The following PTPRD variants were observed in gnomAD, a reference collection of about 807,000 sequenced individuals.
The protein encoded by PTPRD is protein tyrosine phosphatase receptor type D, also known as receptor-type tyrosine-protein phosphatase delta.
A neutral mutation model predicts 214.5 loss-of-function variants in PTPRD; 34 were observed. The ratio of observed to expected loss-of-function variants is 0.16; its 90% CI spans 0.12 to 0.21. The LOEUF is 0.21. Ranked by LOEUF, PTPRD falls within the 10% of genes least tolerant of loss-of-function variation. The pLI is 1.00. For synonymous variants in PTPRD, 1,128 were observed against 845.7 expected (o/e 1.33, Z -5.79); for missense variants, 2,545 against 2,398.7 (o/e 1.06, Z -1.27).
At chr9:8,340,239 C>T in intron 42 of PTPRD, 104 bp downstream of exon 42, 2 of 1,346,730 alleles carry the variant, frequency 1.5e-6, no homozygotes, top group South Asian at 4.1e-5. Flanking sequence ...GAGTGCACTG[C>T]ATTTCAAAAA....
intron 3 of PTPRD, among the ~76,000 whole-genome samples, chr9:10,066,464 TATAC>T (rs34672487): frequency 0.036 from 5,430 of 151,992 alleles, 110 homozygotes; most frequent in Middle Eastern, 0.082. Flanking sequence ...TCAAAAAATG[TATAC>T]ATAATCACAC....
chr9:9,664,897 A>G (rs191378822), intron 7 of PTPRD, among the ~76,000 whole-genome samples: 17 of 151,866 alleles, frequency 1.1e-4, no homozygotes, highest in African/African-American at 3.9e-4. Context: ...TGCAAGCACA[A>G]AAGTTCTAAT....
chr9:8,477,464 A>G (rs1241671573), intron 30 of PTPRD, among the ~76,000 whole-genome samples: 1 of 152,194 alleles, frequency 6.6e-6, no homozygotes, highest in East Asian at 1.9e-4. Context: ...TAATTATATG[A>G]GAAGGCAAGC....
intron 3 of PTPRD, among the ~76,000 whole-genome samples, chr9:10,061,738 G>C (rs1212351083): frequency 6.6e-6 from 1 of 152,062 alleles, no homozygotes; most frequent in Non-Finnish European, 1.5e-5. Flanking sequence ...TCTGAAAATA[G>C]TTTAGGGCTG....
chr9:9,408,575 C>T (rs2074334308), intron 8 of PTPRD, among the ~76,000 whole-genome samples: 1 of 151,788 alleles, frequency 6.6e-6, no homozygotes, highest in Non-Finnish European at 1.5e-5. Flanking sequence ...CATCAGCTTC[C>T]ACTTACTTCT....
At chr9:9,885,253 A>T (rs2070404610) in intron 5 of PTPRD, among the ~76,000 whole-genome samples, 2 of 152,098 alleles carry the variant, frequency 1.3e-5, no homozygotes, top group African/African-American at 4.8e-5. Context: ...ATTGAGAAGG[A>T]AGGGCCCAGA....
chr9:8,553,647 T>G (rs1010207546), intron 14 of PTPRD, among the ~76,000 whole-genome samples: 2 of 152,196 alleles, frequency 1.3e-5, no homozygotes, highest in Admixed American at 1.3e-4. Context: ...CATTCTAAAA[T>G]GTATGCTCTC....
intron 35 of PTPRD, among the ~76,000 whole-genome samples, chr9:8,408,321 C>A (rs1487488416): frequency 1.3e-5 from 2 of 152,042 alleles, no homozygotes; most frequent in Non-Finnish European, 2.9e-5. Context: ...GACTCAATTC[C>A]TTCTTTTGGG....
intron 8 of PTPRD, among the ~76,000 whole-genome samples, chr9:9,546,800 T>G (rs1158176010): frequency 6.6e-6 from 1 of 151,750 alleles, no homozygotes; most frequent in Non-Finnish European, 1.5e-5. Context: ...ATTTTAAATC[T>G]TGAGAGTCAT....
chr9:9,973,880 G>T (rs989375037), intron 4 of PTPRD, among the ~76,000 whole-genome samples: 5 of 151,856 alleles, frequency 3.3e-5, no homozygotes, highest in Admixed American at 3.3e-4. Context: ...TGCTCTAATA[G>T]ACACTTATGT....
At chr9:9,255,163 G>C (rs1479559222) in intron 9 of PTPRD, among the ~76,000 whole-genome samples, 1 of 152,036 alleles carries the variant, frequency 6.6e-6, no homozygotes, top group Non-Finnish European at 1.5e-5. Flanking sequence ...AACATCTGTA[G>C]TTCATTGCCA....
At chr9:9,947,850 C>A (rs1416143489) in intron 4 of PTPRD, among the ~76,000 whole-genome samples, 2 of 150,080 alleles carry the variant, frequency 1.3e-5, no homozygotes, top group Non-Finnish European at 3.0e-5. Context: ...TTTGTTAAAT[C>A]AGCCATCCCT....
At chr9:10,091,592 T>C (rs1274691639) in intron 3 of PTPRD, among the ~76,000 whole-genome samples, 1 of 151,498 alleles carries the variant, frequency 6.6e-6, no homozygotes, top group Non-Finnish European at 1.5e-5. Flanking sequence ...TTCAAAATAA[T>C]TGTTGTTTGG....
chr9:10,361,703 C>G (rs10809077), intron 2 of PTPRD, among the ~76,000 whole-genome samples: 105,574 of 151,866 alleles, frequency 0.7, 38,290 homozygotes, highest in Non-Finnish European at 0.81. Flanking sequence ...CGTTCATTAA[C>G]TTTTACCATT....
At chr9:10,367,195 A>G (rs1488566289) in intron 2 of PTPRD, among the ~76,000 whole-genome samples, 1 of 152,162 alleles carries the variant, frequency 6.6e-6, no homozygotes, top group Non-Finnish European at 1.5e-5. Flanking sequence ...AGTAATGACA[A>G]AAATGTATTT....
At chr9:9,241,192 T>C (rs2099970187) in intron 9 of PTPRD, among the ~76,000 whole-genome samples, 1 of 152,200 alleles carries the variant, frequency 6.6e-6, no homozygotes, top group South Asian at 2.1e-4. Context: ...TTAACTTTTC[T>C]GGATTTAAAG....
At chr9:10,220,653 C>T (rs1379616439) in intron 3 of PTPRD, among the ~76,000 whole-genome samples, 1 of 151,684 alleles carries the variant, frequency 6.6e-6, no homozygotes, top group Admixed American at 6.6e-5. Context: ...CATAAAATAT[C>T]CTAAAACTTC....
intron 14 of PTPRD, among the ~76,000 whole-genome samples, chr9:8,601,357 T>G (rs992338300): frequency 2.6e-5 from 4 of 152,220 alleles, no homozygotes; most frequent in Admixed American, 2.0e-4. Flanking sequence ...CTTTGCCACC[T>G]GCAGACTGTA....
chr9:8,431,002 C>T (rs1315376762), intron 35 of PTPRD, among the ~76,000 whole-genome samples: 2 of 152,188 alleles, frequency 1.3e-5, no homozygotes, highest in African/African-American at 2.4e-5. Context: ...GCACTGAGCA[C>T]AATGCTTTTC....
Sources: allele counts gnomAD v4.1 joint callset (sites outside exome capture counted in the v4.1 genomes callset), GRCh38; gene constraint gnomAD v4.1.1; transcripts MANE v1.5; gene names NCBI Gene and HGNC (gene_info 2026-07-23, HGNC 2026-07-21).